Variants in DENND2B observed in about 807,000 individuals in gnomAD.
The protein encoded by DENND2B is DENN domain-containing protein 2B.
In DENND2B, 32 loss-of-function variants were observed where a neutral mutation model predicts 116.0. That is an observed-to-expected ratio of 0.28 (90% confidence interval 0.21 to 0.37). The LOEUF (loss-of-function observed/expected upper bound fraction) is 0.37. DENND2B is among the 10% of genes least tolerant of loss of function. The probability of loss-of-function intolerance (pLI) is 1.00; values close to 1 mark genes in which losing one functional copy is unlikely to be tolerated. For synonymous variants in DENND2B, 588 were observed against 583.9 expected (o/e 1.01, Z -0.10); for missense variants, 1,276 against 1,477.7 (o/e 0.86, Z 2.24).
At chr11:8,810,051 T>A (rs1203792670) in intron 1 of DENND2B, 1 of 11,602 alleles carries the variant, frequency 8.6e-5, no homozygotes, top group Non-Finnish European at 1.6e-3. Context: ...TAATTAGCCT[T>A]TTTTTTTTTT....
chr11:8,695,174 T>G (rs778135966), intron 19 of DENND2B, among the ~76,000 whole-genome samples: 37 of 152,240 alleles, frequency 2.4e-4, no homozygotes, highest in Non-Finnish European at 5.1e-4. Context: ...ACAGGTTATA[T>G]GCAAATACTA....
In DENND2B at chr11:8,767,749, AC is replaced by A. The variant is rs369945996; in HGVS notation, c.-25-17025del. ...CAGTAAAGGTAGATAAGATTAGTCT[AC>A]CCCCTCGCCTTTGAGATGGGCATGG... On this transcript the variant is annotated intron_variant, in intron 1 of 19. Transcript: ENST00000313726. Among the ~76,000 whole-genome samples, 256 of 152,188 alleles carry A rather than the reference AC, an allele frequency of 1.7e-3. 1 individual carries two copies. The highest frequency in any genetic ancestry group is 5.6e-3 in the African/African-American group (234 of 41,516).
intron 7 of DENND2B, 131 bp from the exon 8 acceptor site, chr11:8,714,173 GGC>G: frequency 1.1e-6 from 1 of 892,036 alleles, no homozygotes; most frequent in Non-Finnish European, 1.8e-6. Context: ...CCCATGGTCA[GGC>G]ATCTGCAGGC....
Position 8,707,985 on chromosome 11 carries a change from T to C in DENND2B, c.2353-131A>G. 4 of 1,531,732 alleles carry C rather than the reference T, an allele frequency of 2.6e-6. No homozygotes were observed. The highest frequency in any genetic ancestry group is 3.5e-6 in the Non-Finnish European group (4 of 1,144,356). 94.9% of individuals were successfully genotyped at this position (1,531,732 alleles called of 1,614,324 possible). A position where few individuals can be genotyped will look rare whatever the true frequency, so the allele number is the denominator to read the frequency against. ...TAGTGGAGGAAGACTTTAAGCCTCC[T>C]CTAAACCTCTCTGCAACCAGAGCCC... On this transcript the variant is annotated intron_variant, in intron 11 of 19. Coordinates refer to ENST00000313726, the MANE Select transcript of DENND2B (RefSeq NM_213618.2). The surrounding 1 kb of genome is among the most constrained non-coding windows in gnomAD (Gnocchi z 4.8).
intron 2 of DENND2B, among the ~76,000 whole-genome samples, chr11:8,859,716 A>C (rs1286272052): frequency 6.6e-6 from 1 of 152,228 alleles, no homozygotes; most frequent in Non-Finnish European, 1.5e-5. Flanking sequence ...CTCTTCAAGG[A>C]ATAATGTGAA....
chr11:8,822,350 G>A (rs1307722790), intron 4 of DENND2B, among the ~76,000 whole-genome samples: 2 of 152,138 alleles, frequency 1.3e-5, no homozygotes, highest in Non-Finnish European at 2.9e-5. Context: ...TGTATGTGGT[G>A]GGGAGAGGTG....
chr11:8,731,479 C>T (rs1036590267), intron 2 of DENND2B, among the ~76,000 whole-genome samples: 2 of 152,152 alleles, frequency 1.3e-5, no homozygotes, highest in Non-Finnish European at 1.5e-5. Context: ...TGTTCTGTGC[C>T]AAGCGAGAGC....
At chr11:8,842,196 C>T (rs979509557) in intron 3 of DENND2B, among the ~76,000 whole-genome samples, 1 of 152,044 alleles carries the variant, frequency 6.6e-6, no homozygotes, top group Non-Finnish European at 1.5e-5. Context: ...CTCCTGTCCT[C>T]CCAAAAAAGA....
chr11:8,708,122 G>T (rs2133772605), intron 11 of DENND2B: 65 of 1,382,134 alleles, frequency 4.7e-5, no homozygotes, highest in Non-Finnish European at 6.0e-5. Flanking sequence ...CTCCCAGGAG[G>T]ACGCTGACGG....
chr11:8,825,281 T>C lies in DENND2B; in HGVS notation c.-114-13946A>G, dbSNP rs565959043. 1.2e-3 allele frequency among the ~76,000 whole-genome samples: 181 copies of C among 152,274 alleles called. 1 individual carries two copies. The highest frequency in any genetic ancestry group is 4.1e-3 in the African/African-American group (172 of 41,562). ...TGCATTTCTCTAATGATCAGTGATGTTGAGCTTTTTTTCATATGCTTGTTG... is the reference window on the plus strand; with the variant it reads ...TGCATTTCTCTAATGATCAGTGATGCTGAGCTTTTTTTCATATGCTTGTTG... On this transcript the variant is annotated intron_variant, in intron 4 of 6. Coordinates refer to the DENND2B transcript ENST00000524757.
Position 8,708,352 on chromosome 11 carries a change from A to C in DENND2B, c.2353-498T>G, listed in dbSNP as rs891704044. The C allele has an allele frequency of 5.1e-6, 5 of 984,882 alleles. No homozygotes were observed. The African/African-American group carries it at 8.7e-5, about 17-fold the overall frequency. 61.0% of individuals were successfully genotyped at this position (984,882 alleles called of 1,614,324 possible). Reference sequence around the variant, plus strand: ...CCTCCATTCTAAGAGAGCAAACTGAAAACAAGAGATGGGAGCTACTGTTTA... The same window carrying C: ...CCTCCATTCTAAGAGAGCAAACTGACAACAAGAGATGGGAGCTACTGTTTA... On this transcript the variant is annotated intron_variant, in intron 11 of 19. Transcript: ENST00000313726.
chr11:8,773,777 T>C (rs903264230), intron 1 of DENND2B, among the ~76,000 whole-genome samples: 2 of 151,898 alleles, frequency 1.3e-5, no homozygotes, highest in African/African-American at 2.4e-5. Context: ...TGAATTCTCA[T>C]AAAATGGACC....
intron 2 of DENND2B, among the ~76,000 whole-genome samples, chr11:8,735,342 A>C (rs1592921769): frequency 1.3e-5 from 2 of 152,300 alleles, no homozygotes; most frequent in African/African-American, 4.8e-5. Context: ...CTGACTCATG[A>C]ATGAGGCCAC....
intron 2 of DENND2B, among the ~76,000 whole-genome samples, chr11:8,743,742 C>T (rs576379360): frequency 2.0e-5 from 3 of 151,630 alleles, no homozygotes; most frequent in East Asian, 1.9e-4. Context: ...TGGAGAGGGG[C>T]TTATCTCTTC....
chr11:8,736,428 T>C (rs773363901), intron 2 of DENND2B, among the ~76,000 whole-genome samples: 3 of 152,142 alleles, frequency 2.0e-5, no homozygotes, highest in Non-Finnish European at 4.4e-5. Flanking sequence ...TAGGTTACAT[T>C]CTGGTAGACA....
At chr11:8,799,103 T>C (rs919511979) in intron 1 of DENND2B, among the ~76,000 whole-genome samples, 1 of 152,216 alleles carries the variant, frequency 6.6e-6, no homozygotes, top group Non-Finnish European at 1.5e-5. Flanking sequence ...ATTACAGGCC[T>C]GAGCCATTGC....
At chr11:8,804,137 T>C (rs2060608593) in intron 1 of DENND2B, among the ~76,000 whole-genome samples, 1 of 152,222 alleles carries the variant, frequency 6.6e-6, no homozygotes, top group Non-Finnish European at 1.5e-5. Flanking sequence ...TCAGGACTTC[T>C]GGCCTCTCCA....
intron 1 of DENND2B, among the ~76,000 whole-genome samples, chr11:8,899,157 A>G (rs10840147): frequency 0.34 from 51,354 of 151,892 alleles, 10,381 homozygotes; most frequent in Non-Finnish European, 0.44. Context: ...GAGATTATAC[A>G]ATTTGAAGAA....
intron 1 of DENND2B, among the ~76,000 whole-genome samples, chr11:8,754,029 G>GCGCACACGCA (rs146486674): frequency 1.4e-5 from 2 of 138,734 alleles, no homozygotes; most frequent in African/African-American, 5.5e-5. Context: ...CCAAAAGCGC[G>GCGCACACGCA]CACACACACA....
Sources: allele counts gnomAD v4.1 joint callset (sites outside exome capture counted in the v4.1 genomes callset), GRCh38; gene constraint gnomAD v4.1.1; non-coding constraint Gnocchi (gnomAD v3.1); transcripts MANE v1.5; gene names NCBI Gene and HGNC (gene_info 2026-07-23, HGNC 2026-07-21).